Variants in FER1L5 observed in about 807,000 individuals in gnomAD.
FER1L5 encodes fer-1 like family member 5.
A neutral mutation model predicts 279.9 loss-of-function variants in FER1L5; 187 were observed. That is an observed-to-expected ratio of 0.67 (90% CI 0.59 to 0.75). The LOEUF is 0.75. Among genes scored for constraint, FER1L5 ranks in the 30% least tolerant of loss-of-function variants. The probability of loss-of-function intolerance (pLI) is 0.00; values close to 1 mark genes in which losing one functional copy is unlikely to be tolerated. For missense variants in FER1L5, 2,091 were observed against 2,594.4 expected (o/e 0.81, Z 4.21); for synonymous variants, 921 against 989.7 (o/e 0.93, Z 1.30).
intron 6 of FER1L5, 75 bp downstream of exon 6, chr2:96,650,364 C>G (rs1357753022): frequency 8.0e-7 from 1 of 1,254,818 alleles, no homozygotes; most frequent in Non-Finnish European, 1.1e-6. Flanking sequence ...GGCCACCTCA[C>G]CCCTCCCCAA....
intron 19 of FER1L5, among the ~76,000 whole-genome samples, chr2:96,676,904 C>A (rs144031894): frequency 6.6e-6 from 1 of 151,934 alleles, no homozygotes; most frequent in Admixed American, 6.6e-5. Context: ...TCGCCCAGGC[C>A]GGAGTGCGGC....
chr2:96,700,753 C>G (rs1414962223), intron 45 of FER1L5, among the ~76,000 whole-genome samples: 10 of 152,134 alleles, frequency 6.6e-5, no homozygotes, highest in African/African-American at 2.4e-4. Flanking sequence ...CAGTCAATGT[C>G]TCCATTGCCT....
chr2:96,700,592 T>G (rs1009017165), intron 45 of FER1L5, 121 bp downstream of exon 45: 6 of 1,320,774 alleles, frequency 4.5e-6, no homozygotes, highest in South Asian at 2.6e-5. Flanking sequence ...CATTTAGTAA[T>G]GTACATGCAC....
chr2:96,664,790 A>G (rs1292202510), intron 14 of FER1L5, among the ~76,000 whole-genome samples: 1 of 152,206 alleles, frequency 6.6e-6, no homozygotes, highest in Non-Finnish European at 1.5e-5. Context: ...GTGCCCTTTC[A>G]CCCACATATA....
intron 14 of FER1L5, among the ~76,000 whole-genome samples, 167 bp downstream of exon 14, chr2:96,663,674 C>G (rs78099783): frequency 0.017 from 2,664 of 152,250 alleles, 68 homozygotes; most frequent in East Asian, 0.11. Flanking sequence ...TTATGGAAAA[C>G]TTTACCTTTT....
In FER1L5 at chr2:96,695,306, C is replaced by A; in HGVS notation, c.3742-203C>A. 6.1e-6 allele frequency: 4 copies of A among 657,766 alleles called. No individual in the cohort carries two copies. The South Asian group carries it at 9.7e-5, about 16-fold the overall frequency. The allele number at this position is 657,766 out of a possible 1,614,324, so 40.7% of individuals were successfully genotyped here. Reference sequence around the variant, plus strand: ...ATGGGTTGGGGGACAGCGTCCCAGCCCCGAGGGCAAGCACTGATCCCTCAC... The same window carrying A: ...ATGGGTTGGGGGACAGCGTCCCAGCACCGAGGGCAAGCACTGATCCCTCAC... On this transcript the variant is annotated intron_variant, in intron 34 of 52. Transcript: ENST00000624922.
rs1558914234 is a variant in FER1L5 at position 96,691,993 on chromosome 2, T to C, written c.3214+30T>C. 1.2e-6 allele frequency: 1 copy of C among 867,054 alleles called. No individual in the cohort carries two copies. Among genetic ancestry groups the C allele is most frequent in the Non-Finnish European group, 1.6e-6 (1 of 615,016 alleles). 53.7% of individuals were successfully genotyped at this position (867,054 alleles called of 1,614,324 possible). On this transcript the variant is annotated intron_variant, in intron 30 of 52. Coordinates refer to ENST00000624922, the MANE Select transcript of FER1L5 (RefSeq NM_001293083.2). This position sits in a 1 kb window ranked among gnomAD's most constrained non-coding sequence, Gnocchi z 6.0. The stretch of plus-strand genomic sequence containing the variant: ...GCACTGACTTGGGAGTCTACTTGAA[T>C]GGCCCCAGAGGCCAGTACCCGAGGG...
intron 5 of FER1L5, 120 bp downstream of exon 5, chr2:96,649,797 C>G: frequency 1.0e-6 from 1 of 982,872 alleles, no homozygotes; most frequent in South Asian, 1.5e-5. Flanking sequence ...GGAATGTGAC[C>G]AGGCTAGGGT....
chr2:96,673,049 T>TG, intron 18 of FER1L5, 28 bp from the exon 19 acceptor site: 1 of 1,547,584 alleles, frequency 6.5e-7, no homozygotes, highest in South Asian at 1.2e-5. Context: ...GTACTGGGTA[T>TG]GGGGGGTGGG....
At chr2:96,659,291 T>C (rs1002135036) in intron 9 of FER1L5, among the ~76,000 whole-genome samples, 2 of 27,612 alleles carry the variant, frequency 7.2e-5, no homozygotes, top group African/African-American at 8.0e-5. Flanking sequence ...TTATCAAGCT[T>C]TCCTTCCTTC....
chr2:96,659,358 C>CTTCTTTCTTTCTTTCT (rs2075778770), intron 9 of FER1L5, among the ~76,000 whole-genome samples: 2 of 60,608 alleles, frequency 3.3e-5, no homozygotes, highest in East Asian at 1.5e-3. Context: ...TCCTTCCTTC[C>CTTCTTTCTTTCTTTCT]TTCCTTCTTT....
chr2:96,683,622 G>T (rs893855811), intron 19 of FER1L5, among the ~76,000 whole-genome samples: 3 of 151,990 alleles, frequency 2.0e-5, no homozygotes, highest in African/African-American at 4.8e-5. Flanking sequence ...TGCCCACCTG[G>T]TCAGCCCTAG....
At position 96,695,876 on chromosome 2, in the gene FER1L5, T is replaced by C. The variant is rs370574175; in HGVS notation, c.4029T>C (p.Ala1343=). ...FLQPYFCDPW[A]QDYMHPKLPT... is the part of the protein sequence containing the mutation. ...AGCCCTACTTCTGTGACCCCTGGGC[T>C]CAAGACTATATGCACCCAAAGCTTC... is the stretch of plus-strand genomic sequence containing the variant. The change falls in exon 36 of 53, where the codon GCT becomes GCC. Residue 1343 remains alanine (A), a synonymous_variant. Transcript: ENST00000624922. 3.1e-6 allele frequency: 5 copies of C among 1,613,664 alleles called. No individual in the cohort carries two copies. Among genetic ancestry groups the C allele is most frequent in the Non-Finnish European group, 3.4e-6 (4 of 1,179,832 alleles).
chr2:96,703,730 T>G, intron 51 of FER1L5, 98 bp downstream of exon 51: 1 of 982,114 alleles, frequency 1.0e-6, no homozygotes, highest in Non-Finnish European at 1.6e-6. Context: ...GGTAATTACC[T>G]CCCACCCCAC....
At chr2:96,701,858 C>T in intron 45 of FER1L5, 97 bp from the exon 46 acceptor site, 2 of 1,208,368 alleles carry the variant, frequency 1.7e-6, no homozygotes, top group Non-Finnish European at 2.4e-6. Context: ...GGAACACAAC[C>T]TCAACAGACC....
At chr2:96,655,439 C>T (rs2075559855) in intron 9 of FER1L5, among the ~76,000 whole-genome samples, 2 of 152,120 alleles carry the variant, frequency 1.3e-5, no homozygotes, top group East Asian at 1.9e-4. Flanking sequence ...CCAAATATTG[C>T]AGGGGACGTA....
chr2:96,690,404 G>A lies in FER1L5; in HGVS notation c.2641-83G>A, dbSNP rs920507523. 4.0e-5 allele frequency: 52 copies of A among 1,286,368 alleles called. No homozygotes were observed. In the Middle Eastern group the frequency reaches 7.4e-4, roughly 18 times the overall value. 79.7% of individuals were successfully genotyped at this position (1,286,368 alleles called of 1,614,324 possible). A position where few individuals can be genotyped will look rare whatever the true frequency, so the allele number is the denominator to read the frequency against. On this transcript the variant is annotated intron_variant, in intron 26 of 52. Transcript: ENST00000624922. ...AGGCTGCTGCGGCCACAGCAGGCAC[G>A]CACACAGGTGTGGGAAGAGGGAGGG...
At chr2:96,681,564 A>C (rs1036825858) in intron 19 of FER1L5, among the ~76,000 whole-genome samples, 10 of 151,928 alleles carry the variant, frequency 6.6e-5, no homozygotes, top group African/African-American at 2.4e-4. Context: ...TTTAAAGATA[A>C]TTTGTACATT....
Position 96,696,441 on chromosome 2 carries a change from C to A in FER1L5, c.4083+364C>A, listed in dbSNP as rs561043619. On this transcript the variant is annotated intron_variant, in intron 37 of 52. Coordinates refer to ENST00000624922, the MANE Select transcript of FER1L5 (RefSeq NM_001293083.2). Reference sequence around the variant, plus strand: ...TTGAGCAGCTGGGATTACAGGTGCCCGCCACCACGCACGGCTAATTTTTTG... The same window carrying A: ...TTGAGCAGCTGGGATTACAGGTGCCAGCCACCACGCACGGCTAATTTTTTG... Among the ~76,000 whole-genome samples the A allele has an allele frequency of 5.2e-4, 79 of 152,138 alleles. 1 individual carries two copies. Among genetic ancestry groups the A allele is most frequent in the Admixed American group, 5.0e-3 (76 of 15,294 alleles).
Sources: gnomAD v4.1 joint callset for allele counts (sites outside exome capture counted in the v4.1 genomes callset) on GRCh38, gnomAD v4.1.1 for gene constraint, Gnocchi (gnomAD v3.1) non-coding constraint, MANE v1.5 for transcripts, NCBI Gene and HGNC (gene_info 2026-07-23, HGNC 2026-07-21) for gene names.